PITRM1: variants seen among roughly 807,000 people sequenced by gnomAD.
PITRM1 encodes presequence protease, mitochondrial.
Under a neutral mutation model 129.9 loss-of-function variants are expected in PITRM1, and 100 were observed. The ratio of observed to expected loss-of-function variants is 0.77; its 90% CI spans 0.65 to 0.91. PITRM1 has a LOEUF of 0.91. PITRM1 is among the 40% of genes least tolerant of loss of function. The pLI, the probability that PITRM1 is intolerant of heterozygous loss-of-function variation, is 0.00. For missense variants in PITRM1, 1,471 were observed against 1,318.3 expected (o/e 1.12, Z -1.79); for synonymous variants, 591 against 508.8 (o/e 1.16, Z -2.17).
chr10:3,172,764 G>T lies in PITRM1; in HGVS notation c.9C>A (p.Arg3=), dbSNP rs1416380873. The T allele has an allele frequency of 6.5e-7, 1 of 1,546,574 alleles. No individual in the cohort carries two copies. Among genetic ancestry groups the T allele is most frequent in the Non-Finnish European group, 8.7e-7 (1 of 1,145,500 alleles). The change falls in exon 1 of 27, where the codon CGC becomes CGA. Residue 3 remains arginine (R), a synonymous_variant. Transcript: ENST00000224949. MW[R]CGGRQGLCVL... Reference sequence around the variant, plus strand: ...CACACAGGCCCTGCCGCCCGCCGCAGCGCCACATTGCGCATGACGAGCACC... The same window carrying T: ...CACACAGGCCCTGCCGCCCGCCGCATCGCCACATTGCGCATGACGAGCACC...
In PITRM1 at chr10:3,138,282, C is replaced by T; in HGVS notation, c.2973G>A (p.Glu991=). 6.2e-7 allele frequency: 1 copy of T among 1,613,920 alleles called. No individual in the cohort carries two copies. Among genetic ancestry groups the T allele is most frequent in the Non-Finnish European group, 8.5e-7 (1 of 1,179,822 alleles). The change falls in exon 26 of 27, where the codon GAG becomes GAA. Residue 991 remains glutamate, a synonymous_variant. Transcript: ENST00000224949. Reference sequence around the variant, plus strand: ...TGTCGTGGCTGACAGCAAAGAGCTGCTCTCTGTGGGCCTGCTTCATCTCAT... The same window carrying T: ...TGTCGTGGCTGACAGCAAAGAGCTGTTCTCTGTGGGCCTGCTTCATCTCAT... The part of the protein sequence containing the change: ...LSDEMKQAHR[E]QLFAVSHDKL...
In PITRM1 at chr10:3,138,269, C is replaced by T; in HGVS notation, c.2986G>A (p.Val996Ile). The T allele has an allele frequency of 1.2e-6, 2 of 1,613,872 alleles. No individual in the cohort carries two copies. Among genetic ancestry groups the T allele is most frequent in the Non-Finnish European group, 1.7e-6 (2 of 1,179,772 alleles). Residue 996 changes from valine to isoleucine, a missense_variant, in exon 26 of 27, where the codon GTC becomes ATC. Coordinates refer to ENST00000224949, the MANE Select transcript of PITRM1 (RefSeq NM_014889.4). ...KQAHREQLFA[V>I]SHDKLLAVSD... ...ACGGCCAGGAGCTTGTCGTGGCTGA[C>T]AGCAAAGAGCTGCTCTCTGTGGGCC... is the stretch of plus-strand genomic sequence containing the variant.
At position 3,172,758 on chromosome 10, in the gene PITRM1, G is replaced by T. The variant is rs757671433; in HGVS notation, c.15C>A (p.Gly5=). 16 of 1,546,214 alleles carry T rather than the reference G, an allele frequency of 1.0e-5. 2 individuals carry two copies. The South Asian group carries it at 1.8e-4, about 17-fold the overall frequency. The change falls in exon 1 of 27, where the codon GGC becomes GGA. Residue 5 remains glycine (G), a synonymous_variant. Coordinates refer to ENST00000224949, the MANE Select transcript of PITRM1 (RefSeq NM_014889.4). MWRC[G]GRQGLCVLRR... is the part of the protein sequence containing the mutation. Reference sequence around the variant, plus strand: ...TCAGCACACACAGGCCCTGCCGCCCGCCGCAGCGCCACATTGCGCATGACG... The same window carrying T: ...TCAGCACACACAGGCCCTGCCGCCCTCCGCAGCGCCACATTGCGCATGACG...
At chr10:3,148,456 G>A (rs1313087783) in intron 16 of PITRM1, 165 bp from the exon 17 acceptor site, 5 of 788,402 alleles carry the variant, frequency 6.3e-6, no homozygotes, top group African/African-American at 5.2e-5. Context: ...TCTGGCCTTC[G>A]CCCTCGAGAG....
At chr10:3,143,879 C>A in intron 22 of PITRM1, 1 of 532,730 alleles carries the variant, frequency 1.9e-6, no homozygotes, top group Non-Finnish European at 3.6e-6. Flanking sequence ...CACTCTACTC[C>A]ACAAGGAACC....
intron 6 of PITRM1, 119 bp from the exon 7 acceptor site, chr10:3,164,004 T>G: frequency 2.0e-6 from 1 of 495,734 alleles, no homozygotes. Flanking sequence ...ACTTTGCAAA[T>G]AAAGCTGTTC....
At chr10:3,145,353 C>A (rs975393002) in intron 21 of PITRM1, 2 of 494,026 alleles carry the variant, frequency 4.0e-6, no homozygotes, top group Non-Finnish European at 7.2e-6. Context: ...AGACTACTCA[C>A]TGCAAGGCAC....
intron 13 of PITRM1, among the ~76,000 whole-genome samples, chr10:3,155,988 T>C (rs1379710410): frequency 6.6e-6 from 1 of 152,236 alleles, no homozygotes; most frequent in Non-Finnish European, 1.5e-5. Context: ...ATTATTATTA[T>C]GGTCATTAAG....
intron 25 of PITRM1, 126 bp downstream of exon 25, chr10:3,138,778 G>C (rs761192343): frequency 6.7e-6 from 6 of 893,076 alleles, no homozygotes; most frequent in African/African-American, 3.3e-5. Flanking sequence ...CGTGGAAATC[G>C]TATCACAAGC....
At chr10:3,161,850 GGAAAAAAAAAAAAAA>G (rs1004530624) in intron 7 of PITRM1, among the ~76,000 whole-genome samples, 2 of 75,254 alleles carry the variant, frequency 2.7e-5, no homozygotes, top group African/African-American at 9.3e-5. Flanking sequence ...ACAAGACTGG[GGAAAAAAAAAAAAAA>G]GAAGAAAAGA....
At chr10:3,154,411 C>G (rs993392640) in intron 14 of PITRM1, among the ~76,000 whole-genome samples, 20 of 151,860 alleles carry the variant, frequency 1.3e-4, no homozygotes, top group Non-Finnish European at 2.6e-4. Flanking sequence ...ATTTTGGCTC[C>G]TTTGGCAGCA....
At chr10:3,157,557 A>G in intron 11 of PITRM1, 26 bp from the exon 12 acceptor site, 3 of 1,438,352 alleles carry the variant, frequency 2.1e-6, no homozygotes, top group Non-Finnish European at 2.9e-6. Flanking sequence ...AAGAACAAAG[A>G]TGGGCCAGAC....
intron 25 of PITRM1, chr10:3,138,590 G>T: frequency 1.7e-6 from 1 of 602,396 alleles, no homozygotes; most frequent in Non-Finnish European, 3.0e-6. Context: ...GATGCTGTGA[G>T]CAAAAGCGGC....
At chr10:3,153,005 CTACA>C (rs991596121) in intron 14 of PITRM1, among the ~76,000 whole-genome samples, 6 of 152,254 alleles carry the variant, frequency 3.9e-5, no homozygotes, top group African/African-American at 1.4e-4. Flanking sequence ...CAAGCTTTTA[CTACA>C]TAGTTTCCCA....
rs1046956897 is a variant in PITRM1, at chr10:3,137,900, C to T, written c.*131G>A. The T allele has an allele frequency of 1.0e-4, 65 of 624,560 alleles. No homozygotes were observed. Among genetic ancestry groups the T allele is most frequent in the African/African-American group, 9.6e-4 (52 of 54,240 alleles). The allele number at this position is 624,560 out of a possible 1,614,324, so 38.7% of individuals were successfully genotyped here. On this transcript the variant is annotated 3_prime_UTR_variant, in exon 27 of 27. Transcript: ENST00000224949. ...TTAAGATAGATCTGAGTTTTTGACTCGCCAGTCAAGGGCTTTGGCGACACT... is the reference window on the plus strand; with the variant it reads ...TTAAGATAGATCTGAGTTTTTGACTTGCCAGTCAAGGGCTTTGGCGACACT...
chr10:3,142,756 T>TGGGGAGACA (rs1312331487), intron 23 of PITRM1, among the ~76,000 whole-genome samples: 2 of 152,156 alleles, frequency 1.3e-5, no homozygotes. Flanking sequence ...TCTGACTTGG[T>TGGGGAGACA]GGGGAGACAG....
At chr10:3,157,963 G>C (rs9423705) in intron 11 of PITRM1, 77 bp downstream of exon 11, 294,388 of 862,496 alleles carry the variant, frequency 0.34, 51,509 homozygotes, top group South Asian at 0.44. Flanking sequence ...CGAAACAATG[G>C]ATCAGGCTCA....
intron 18 of PITRM1, 34 bp downstream of exon 18, chr10:3,147,953 C>T: frequency 6.7e-7 from 1 of 1,494,174 alleles, no homozygotes; most frequent in Non-Finnish European, 9.3e-7. Flanking sequence ...TCTAGTACAC[C>T]CCAAGAATGG....
intron 1 of PITRM1, among the ~76,000 whole-genome samples, chr10:3,171,147 T>TAAAAAA (rs1169315061): frequency 1.4e-4 from 7 of 49,192 alleles, no homozygotes; most frequent in East Asian, 7.4e-4. Flanking sequence ...ATCGTTCAAT[T>TAAAAAA]AAAAAAAAAA....
Sources: gnomAD v4.1 joint callset for allele counts (sites outside exome capture counted in the v4.1 genomes callset) on GRCh38, gnomAD v4.1.1 for gene constraint, MANE v1.5 for transcripts, NCBI Gene and HGNC (gene_info 2026-07-23, HGNC 2026-07-21) for gene names.